GATAD2B: variants seen among roughly 807,000 people sequenced by gnomAD.
The protein encoded by GATAD2B is GATA zinc finger domain containing 2B.
GATAD2B carries 8 observed loss-of-function variants against 64.3 expected under a neutral mutation model. The ratio of observed to expected loss-of-function variants is 0.12; its 90% CI spans 0.07 to 0.22. GATAD2B has a LOEUF of 0.22. GATAD2B is among the 10% of genes least tolerant of loss of function. GATAD2B has a pLI of 1.00. For missense variants in GATAD2B, 453 were observed against 752.0 expected, an observed-to-expected ratio of 0.60 and a Z score of 4.65; for synonymous variants, 281 against 271.3, an observed-to-expected ratio of 1.04 and a Z score of -0.35.
chr1:153,817,348 C>T, intron 6 of GATAD2B, 24 bp downstream of exon 6: 1 of 1,503,630 alleles, frequency 6.7e-7, no homozygotes. Flanking sequence ...TCTGTTTCCA[C>T]ATTAGGGCTC....
chr1:153,918,004 C>T (rs1678323747), intron 1 of GATAD2B, among the ~76,000 whole-genome samples: 1 of 152,124 alleles, frequency 6.6e-6, no homozygotes, highest in Non-Finnish European at 1.5e-5. Context: ...TGTGGGGAAA[C>T]CTAGCTGTTT....
chr1:153,850,459 C>G (rs910524931), intron 1 of GATAD2B, among the ~76,000 whole-genome samples: 8 of 152,164 alleles, frequency 5.3e-5, no homozygotes, highest in African/African-American at 1.9e-4. Flanking sequence ...GCCACCATAC[C>G]CAGCTAATTT....
At chr1:153,847,285 T>C (rs1388880237) in intron 1 of GATAD2B, among the ~76,000 whole-genome samples, 1 of 152,212 alleles carries the variant, frequency 6.6e-6, no homozygotes, top group Admixed American at 6.5e-5. Flanking sequence ...CTATTTTTAA[T>C]GTCAGTATTT....
intron 1 of GATAD2B, 37 bp downstream of exon 1, chr1:153,922,696 G>C (rs1389226735): frequency 1.3e-5 from 2 of 152,438 alleles, no homozygotes; most frequent in African/African-American, 4.8e-5. Flanking sequence ...CCCCGGGCGG[G>C]CGGGCGGCCA....
Position 153,816,598 on chromosome 1 carries a change from A to T in GATAD2B, c.901-10T>A. On this transcript the variant is annotated splice_polypyrimidine_tract_variant and intron_variant, in intron 6 of 10. Coordinates refer to ENST00000368655, the MANE Select transcript of GATAD2B (RefSeq NM_020699.4). This position sits in a 1 kb window ranked among gnomAD's most constrained non-coding sequence, Gnocchi z 4.9. Reference sequence around the variant, plus strand: ...CAGAAGAACTTGACTGCTGAAATAGATTGAGAATGCGGTCAATCATGGTAT... The same window carrying T: ...CAGAAGAACTTGACTGCTGAAATAGTTTGAGAATGCGGTCAATCATGGTAT... 8.2e-6 allele frequency: 13 copies of T among 1,589,812 alleles called. No individual in the cohort carries two copies. Among genetic ancestry groups the T allele is most frequent in the Non-Finnish European group, 1.1e-5 (13 of 1,159,680 alleles).
intron 1 of GATAD2B, chr1:153,853,442 C>T (rs1009913329): frequency 7.4e-5 from 44 of 592,882 alleles, no homozygotes; most frequent in African/African-American, 6.3e-4. Flanking sequence ...AATCAACGGA[C>T]GGCAGTGAAG....
chr1:153,890,521 A>C (rs1010980577), intron 1 of GATAD2B: 1 of 151,308 alleles, frequency 6.6e-6, no homozygotes, highest in Non-Finnish European at 1.5e-5. Flanking sequence ...AACAAGAAAC[A>C]GGCTTTCTTG....
At chr1:153,823,486 G>C (rs150237797) in intron 2 of GATAD2B, among the ~76,000 whole-genome samples, 4 of 152,140 alleles carry the variant, frequency 2.6e-5, no homozygotes, top group Non-Finnish European at 4.4e-5. Flanking sequence ...ATTATGTTAA[G>C]AACTTCTCTT....
chr1:153,919,094 C>A (rs1186192394), intron 1 of GATAD2B, among the ~76,000 whole-genome samples: 3 of 152,188 alleles, frequency 2.0e-5, no homozygotes, highest in Non-Finnish European at 4.4e-5. Flanking sequence ...CAAGTTCACA[C>A]ATTGTCAAAG....
At chr1:153,836,186 TC>T (rs1314763635) in intron 1 of GATAD2B, among the ~76,000 whole-genome samples, 1 of 151,024 alleles carries the variant, frequency 6.6e-6, no homozygotes, top group African/African-American at 2.4e-5. Flanking sequence ...GTGTGTGTAA[TC>T]CCAGTGACAC....
intron 1 of GATAD2B, among the ~76,000 whole-genome samples, chr1:153,850,167 C>T (rs377465153): frequency 1.6e-4 from 24 of 152,194 alleles, no homozygotes; most frequent in Non-Finnish European, 2.4e-4. Flanking sequence ...AGTAGCTTTA[C>T]ATATGCTTCC....
chr1:153,824,612 TAAAAAAAAAAAAA>T (rs771879855), intron 2 of GATAD2B, among the ~76,000 whole-genome samples: 1 of 96,698 alleles, frequency 1.0e-5, no homozygotes, highest in African/African-American at 4.1e-5. Flanking sequence ...ACTCTGCCTT[TAAAAAAAAAAAAA>T]AAAAAAAAAA....
chr1:153,914,624 G>C (rs1428295556), intron 1 of GATAD2B: 1 of 152,164 alleles, frequency 6.6e-6, no homozygotes. Context: ...CTAGGCAATG[G>C]AAATACAATA....
At chr1:153,908,091 T>A (rs1044139529) in intron 1 of GATAD2B, among the ~76,000 whole-genome samples, 13 of 152,020 alleles carry the variant, frequency 8.6e-5, no homozygotes, top group Non-Finnish European at 1.8e-4. Context: ...GCGTGAGCCA[T>A]CACGCCCAGC....
rs764894612 is a variant in GATAD2B at position 153,818,809 on chromosome 1, T to C, written c.579A>G (p.Lys193=). The C allele has an allele frequency of 6.2e-7, 1 of 1,613,746 alleles. No individual in the cohort carries two copies. Among genetic ancestry groups the C allele is most frequent in the African/African-American group, 1.3e-5 (1 of 75,054 alleles). Residue 193 remains lysine (K), a synonymous_variant, in exon 4 of 11, where the codon AAA becomes AAG. Transcript: ENST00000368655. ...ACATTACCTTCTGGACCACATTCTC[T>C]TTCTGTAGCTGACTCTGTCTCAGTT... ...LKKLRQSQLQ[K]ENVVQKTPVV... is the part of the protein sequence containing the mutation.
chr1:153,893,917 C>G (rs1424116172), intron 1 of GATAD2B, among the ~76,000 whole-genome samples: 8 of 137,888 alleles, frequency 5.8e-5, no homozygotes, highest in African/African-American at 2.1e-4. Context: ...GAGATCGCAC[C>G]ACTGCACTTG....
chr1:153,917,343 G>A (rs1206351437), intron 1 of GATAD2B, among the ~76,000 whole-genome samples: 6 of 144,886 alleles, frequency 4.1e-5, no homozygotes, highest in East Asian at 2.1e-4. Context: ...TGATACACCC[G>A]CCTCGGCCTC....
Position 153,822,821 on chromosome 1 carries a change from T to C in GATAD2B, c.336-3086A>G, listed in dbSNP as rs564456739. ...CTCTTTTCTTGTATTTATTTTTTCT[T>C]TTGTTTTTTGAGACAGGGTCTCACT... On this transcript the variant is annotated intron_variant, in intron 2 of 10. Coordinates refer to ENST00000368655, the MANE Select transcript of GATAD2B (RefSeq NM_020699.4). Among the ~76,000 whole-genome samples, 10 of 152,226 alleles carry C rather than the reference T, an allele frequency of 6.6e-5. No individual in the cohort carries two copies. The East Asian group carries it at 1.7e-3, about 26-fold the overall frequency.
At chr1:153,907,754 T>C (rs895562913) in intron 1 of GATAD2B, among the ~76,000 whole-genome samples, 1 of 151,774 alleles carries the variant, frequency 6.6e-6, no homozygotes. Context: ...TTCTCCTGTC[T>C]CAGCCTCCTG....
Sources: gnomAD v4.1 joint callset for allele counts (sites outside exome capture counted in the v4.1 genomes callset) on GRCh38, gnomAD v4.1.1 for gene constraint, Gnocchi (gnomAD v3.1) non-coding constraint, MANE v1.5 for transcripts, NCBI Gene and HGNC (gene_info 2026-07-23, HGNC 2026-07-21) for gene names.